Variants in LRRC7 observed in about 807,000 individuals in gnomAD.
LRRC7 encodes leucine rich repeat containing 7.
Under a neutral mutation model 175.7 loss-of-function variants are expected in LRRC7, and 23 were observed. The observed-to-expected ratio is 0.13, with a 90% CI of 0.09 to 0.19. The LOEUF (loss-of-function observed/expected upper bound fraction) is 0.19. LRRC7 is among the 10% of genes least tolerant of loss of function. LRRC7 has a pLI of 1.00. For missense variants in LRRC7, 1,354 were observed against 1,904.7 expected (o/e 0.71, Z 5.38); for synonymous variants, 685 against 680.9 (o/e 1.01, Z -0.09).
intron 23 of LRRC7, among the ~76,000 whole-genome samples, chr1:70,062,996 T>C (rs982768212): frequency 1.3e-5 from 2 of 152,142 alleles, no homozygotes; most frequent in Admixed American, 1.3e-4. Flanking sequence ...TGGATTTTTC[T>C]TAAGACAACA....
In LRRC7 at chr1:69,717,833, AGAAAGAAAAAAGAAAGAAAG is replaced by A. The variant is rs1557641235; in HGVS notation, c.100+39364_100+39383del. ...AAGAAAGAAAGAAAGAAAGAAAGAAAGAAAGAAAAAAGAAAGAAAGGAAAGAAAGAAAGAAAGAAAGAAAG... is the reference window on the plus strand; with the variant it reads ...AAGAAAGAAAGAAAGAAAGAAAGAAAGAAAGAAAGAAAGAAAGAAAGAAAG... On this transcript the variant is annotated intron_variant, in intron 2 of 26. Coordinates refer to ENST00000651989, the MANE Select transcript of LRRC7 (RefSeq NM_001370785.2). Among the ~76,000 whole-genome samples, 99 of 58,842 alleles carry A rather than the reference AGAAAGAAAAAAGAAAGAAAG, an allele frequency of 1.7e-3. 4 individuals are homozygous for A. The highest frequency in any genetic ancestry group is 6.1e-3 in the African/African-American group (64 of 10,572). The allele number at this position is 58,842 out of a possible 152,430, so 38.6% of individuals were successfully genotyped here.
At chr1:69,851,034 A>G (rs1682922772) in intron 7 of LRRC7, among the ~76,000 whole-genome samples, 1 of 152,142 alleles carries the variant, frequency 6.6e-6, no homozygotes. Context: ...GTGAGCAGCC[A>G]GAGAGTTAAG....
intron 4 of LRRC7, among the ~76,000 whole-genome samples, chr1:69,820,954 G>A (rs747690028): frequency 6.6e-6 from 1 of 152,032 alleles, no homozygotes; most frequent in African/African-American, 2.4e-5. Flanking sequence ...TCCACAATGG[G>A]TGAACTAATT....
chr1:69,678,455 T>A lies in LRRC7; in HGVS notation c.77T>A (p.Leu26His). 1.1e-5 allele frequency: 17 copies of A among 1,604,608 alleles called. No individual in the cohort carries two copies. Among genetic ancestry groups the A allele is most frequent in the Non-Finnish European group, 1.3e-5 (15 of 1,175,836 alleles). Residue 26 changes from leucine (L) to histidine (H), a missense_variant, in exon 2 of 27, where the codon CTT becomes CAT. Transcript: ENST00000651989. ...RSPCKEVRAA[L>H]RKRPEEELQC... ...CCTTGTAAAGAGGTTCGTGCAGCAC[T>A]TCGGAAGAGGCCTGAAGAGGAGTGT...
chr1:69,687,382 C>T (rs775998469), intron 2 of LRRC7, among the ~76,000 whole-genome samples: 30 of 151,532 alleles, frequency 2.0e-4, no homozygotes, highest in Non-Finnish European at 3.7e-4. Flanking sequence ...TGGTGGCACA[C>T]GCCTGTAGTC....
chr1:69,671,713 C>T (rs1236723409), intron 1 of LRRC7, among the ~76,000 whole-genome samples: 12 of 152,076 alleles, frequency 7.9e-5, no homozygotes, highest in Non-Finnish European at 1.3e-4. Flanking sequence ...GGCTAGGGCT[C>T]GTTTAAAAAC....
chr1:70,058,032 C>T (rs551313713), intron 23 of LRRC7, among the ~76,000 whole-genome samples: 41 of 139,948 alleles, frequency 2.9e-4, no homozygotes, highest in African/African-American at 1.0e-3. Context: ...TTTTTTTTGG[C>T]AGAGTCTTGC....
chr1:69,790,222 C>T (rs1198092349), intron 3 of LRRC7, among the ~76,000 whole-genome samples: 2 of 151,942 alleles, frequency 1.3e-5, no homozygotes, highest in African/African-American at 4.8e-5. Context: ...ACGTAACTTG[C>T]CCAAGATTGC....
intron 11 of LRRC7, among the ~76,000 whole-genome samples, chr1:70,004,027 G>T (rs1457967285): frequency 1.3e-5 from 2 of 152,108 alleles, no homozygotes; most frequent in Non-Finnish European, 2.9e-5. Flanking sequence ...TCTAAATAGT[G>T]AAAAGGAAAG....
chr1:69,711,526 G>A (rs943658718), intron 2 of LRRC7, among the ~76,000 whole-genome samples: 6 of 152,184 alleles, frequency 3.9e-5, no homozygotes, highest in Admixed American at 6.5e-5. Flanking sequence ...TAGAACTGTG[G>A]TATTATCACA....
Position 70,130,870 on chromosome 1 carries a change from C to G in LRRC7, c.*8983C>G, listed in dbSNP as rs1406172057. On this transcript the variant is annotated 3_prime_UTR_variant, in exon 27 of 27. Coordinates refer to ENST00000651989, the MANE Select transcript of LRRC7 (RefSeq NM_001370785.2). ...GGGGTCTCCACCTACCTATTTAGCT[C>G]TAAATTTTAATCAAACTGCTGCCAA... 6.6e-6 allele frequency among the ~76,000 whole-genome samples: 1 copy of G among 152,126 alleles called. No individual in the cohort carries two copies. The highest frequency in any genetic ancestry group is 2.4e-5 in the African/African-American group (1 of 41,414).
chr1:70,054,538 G>A (rs961430004), intron 23 of LRRC7, among the ~76,000 whole-genome samples: 1 of 112,260 alleles, frequency 8.9e-6, no homozygotes, highest in African/African-American at 3.4e-5. Context: ...TGCTGGAACT[G>A]TTCTAATTCT....
chr1:69,928,667 A>G (rs560094758), intron 7 of LRRC7, among the ~76,000 whole-genome samples: 1 of 152,344 alleles, frequency 6.6e-6, no homozygotes, highest in Non-Finnish European at 1.5e-5. Context: ...GGAAAAGAGC[A>G]GTATTAGGGT....
At chr1:69,580,141 A>G (rs997511810) in intron 1 of LRRC7, among the ~76,000 whole-genome samples, 38 of 152,236 alleles carry the variant, frequency 2.5e-4, no homozygotes, top group African/African-American at 8.4e-4. Flanking sequence ...TTGTTTGTTA[A>G]TAGAGAATAA....
intron 2 of LRRC7, among the ~76,000 whole-genome samples, chr1:69,690,309 C>T (rs1661687452): frequency 6.6e-6 from 1 of 152,138 alleles, no homozygotes; most frequent in South Asian, 2.1e-4. Flanking sequence ...GTAGTCAAGT[C>T]ATAAAACTTC....
chr1:70,088,234 G>C (rs1203715825), intron 24 of LRRC7, among the ~76,000 whole-genome samples: 1 of 151,962 alleles, frequency 6.6e-6, no homozygotes, highest in Non-Finnish European at 1.5e-5. Flanking sequence ...GGTAACACTT[G>C]GTTCACCTAA....
At chr1:70,054,684 C>G (rs950471635) in intron 23 of LRRC7, among the ~76,000 whole-genome samples, 2 of 141,546 alleles carry the variant, frequency 1.4e-5, no homozygotes, top group Non-Finnish European at 3.0e-5. Context: ...ACTGCAATCT[C>G]CACCTCCCAG....
At chr1:70,098,369 G>A (rs1049045108) in intron 25 of LRRC7, among the ~76,000 whole-genome samples, 6 of 150,970 alleles carry the variant, frequency 4.0e-5, no homozygotes, top group East Asian at 1.9e-4. Flanking sequence ...GAGAAAGCAG[G>A]AAAGATCCAA....
In LRRC7 at chr1:69,972,952, AC is replaced by A. The variant is rs1250731401; in HGVS notation, c.712-7426del. Among the ~76,000 whole-genome samples the A allele has an allele frequency of 1.0e-4, 15 of 146,278 alleles. 1 individual carries two copies. Among genetic ancestry groups the A allele is most frequent in the Admixed American group, 8.3e-4 (12 of 14,476 alleles). ...TATATATATTTATATATATATAAAT[AC>A]TATATATATAATACTATATATAAAT... is the stretch of plus-strand genomic sequence containing the variant. On this transcript the variant is annotated intron_variant, in intron 8 of 26. Transcript: ENST00000651989.
Sources: allele counts gnomAD v4.1 joint callset (sites outside exome capture counted in the v4.1 genomes callset), GRCh38; gene constraint gnomAD v4.1.1; transcripts MANE v1.5; gene names NCBI Gene and HGNC (gene_info 2026-07-23, HGNC 2026-07-21).